Variants in MARCHF1 observed in about 807,000 individuals in gnomAD.
MARCHF1 encodes E3 ubiquitin-protein ligase MARCHF1.
In MARCHF1, 40 loss-of-function variants were observed where a neutral mutation model predicts 54.2. The observed-to-expected ratio is 0.74, with a 90% CI of 0.57 to 0.96. The LOEUF is 0.96. Among genes scored for constraint, MARCHF1 ranks in the 40% least tolerant of loss-of-function variants. The pLI, the probability that MARCHF1 is intolerant of heterozygous loss-of-function variation, is 0.00. For missense variants in MARCHF1, 586 were observed against 656.5 expected, an observed-to-expected ratio of 0.89 and a Z score of 1.17; for synonymous variants, 236 against 236.3, an observed-to-expected ratio of 1.00 and a Z score of 0.01.
rs1443607277 is a variant in MARCHF1 at position 164,315,216 on chromosome 4, A to G, written c.-323+68654T>C. 2.5e-5 allele frequency among the ~76,000 whole-genome samples: 3 copies of G among 118,962 alleles called. No individual in the cohort carries two copies. The Admixed American group carries it at 3.2e-4, about 13-fold the overall frequency. The allele number at this position is 118,962 out of a possible 152,430, so 78.0% of individuals were successfully genotyped here. ...AAGGCCAACTTTAGCTTTCTTCTGT[A>G]TTGGGTTAATTTAACAAAAAAAAAA... On this transcript the variant is annotated intron_variant, in intron 1 of 9. Transcript: ENST00000514618.
At chr4:163,586,008 C>T (rs1740399194) in intron 7 of MARCHF1, 79 bp from the exon 8 acceptor site, 1 of 1,309,438 alleles carries the variant, frequency 7.6e-7, no homozygotes, top group African/African-American at 1.5e-5. Flanking sequence ...CTTGCTTATA[C>T]TAGGGCTATT....
chr4:164,145,621 A>G (rs1385460610), intron 1 of MARCHF1, among the ~76,000 whole-genome samples: 1 of 152,180 alleles, frequency 6.6e-6, no homozygotes, highest in Admixed American at 6.5e-5. Flanking sequence ...AAAATTCAAC[A>G]ACCTTCATGC....
chr4:163,615,870 A>G (rs1303432979), intron 5 of MARCHF1, among the ~76,000 whole-genome samples: 1 of 152,150 alleles, frequency 6.6e-6, no homozygotes, highest in Non-Finnish European at 1.5e-5. Context: ...CATTGTTATA[A>G]AAACAGACAC....
At chr4:163,580,734 T>A (rs761619324) in intron 8 of MARCHF1, among the ~76,000 whole-genome samples, 23 of 152,172 alleles carry the variant, frequency 1.5e-4, no homozygotes, top group East Asian at 9.7e-4. Context: ...TTCAGAAAAA[T>A]TTTTGTTTTA....
intron 3 of MARCHF1, among the ~76,000 whole-genome samples, chr4:163,874,357 C>T (rs114082463): frequency 0.014 from 2,092 of 151,996 alleles, 19 homozygotes; most frequent in Non-Finnish European, 0.022. Flanking sequence ...TTGGTAGTTC[C>T]AGCATGTAGC....
intron 5 of MARCHF1, among the ~76,000 whole-genome samples, chr4:163,624,914 A>T (rs961844018): frequency 1.3e-5 from 2 of 152,206 alleles, no homozygotes; most frequent in Non-Finnish European, 2.9e-5. Flanking sequence ...TTTGAGATTT[A>T]TCCTCTGAAG....
At chr4:163,530,734 A>G (rs1337273096) in intron 9 of MARCHF1, 2 of 151,980 alleles carry the variant, frequency 1.3e-5, no homozygotes, top group Non-Finnish European at 2.9e-5. Flanking sequence ...AATATATGCA[A>G]TCAAATTTAT....
intron 1 of MARCHF1, among the ~76,000 whole-genome samples, chr4:164,269,931 T>C (rs1283706564): frequency 6.6e-6 from 1 of 152,184 alleles, no homozygotes; most frequent in Non-Finnish European, 1.5e-5. Context: ...TCCCTCTGCT[T>C]CTGCCATGAG....
At chr4:163,727,584 C>T (rs530216288) in intron 4 of MARCHF1, among the ~76,000 whole-genome samples, 6 of 151,638 alleles carry the variant, frequency 4.0e-5, no homozygotes, top group Non-Finnish European at 7.4e-5. Context: ...GGATTACAGG[C>T]GTGAGCCAAC....
chr4:163,917,452 T>C (rs1751334253), intron 3 of MARCHF1, among the ~76,000 whole-genome samples: 1 of 152,166 alleles, frequency 6.6e-6, no homozygotes, highest in Admixed American at 6.6e-5. Context: ...GATTTTGGCC[T>C]TTCTAATAGA....
At chr4:164,120,184 C>T (rs955867508) in intron 1 of MARCHF1, among the ~76,000 whole-genome samples, 1 of 151,870 alleles carries the variant, frequency 6.6e-6, no homozygotes, top group Non-Finnish European at 1.5e-5. Flanking sequence ...GAGCAGGAGT[C>T]GCTACACTTA....
At chr4:164,046,908 A>G (rs1754255038) in intron 2 of MARCHF1, among the ~76,000 whole-genome samples, 1 of 152,198 alleles carries the variant, frequency 6.6e-6, no homozygotes. Context: ...TGGGAAATGC[A>G]TATTAAAGAT....
chr4:163,933,840 C>G (rs1039403544), intron 3 of MARCHF1, among the ~76,000 whole-genome samples: 1 of 152,194 alleles, frequency 6.6e-6, no homozygotes, highest in African/African-American at 2.4e-5. Context: ...TCTGTGGCAA[C>G]AGGGACTTTC....
At chr4:163,851,755 C>T (rs981326787) in intron 4 of MARCHF1, among the ~76,000 whole-genome samples, 2 of 152,174 alleles carry the variant, frequency 1.3e-5, no homozygotes, top group African/African-American at 4.8e-5. Flanking sequence ...AATGGAAGGA[C>T]GTCCTTGCAT....
intron 4 of MARCHF1, among the ~76,000 whole-genome samples, chr4:163,834,850 A>G (rs1011849674): frequency 2.6e-5 from 4 of 151,972 alleles, no homozygotes; most frequent in Non-Finnish European, 5.9e-5. Context: ...CTATGTTATT[A>G]TTAGAGATGC....
intron 3 of MARCHF1, among the ~76,000 whole-genome samples, chr4:163,964,770 T>C (rs923459917): frequency 2.6e-5 from 4 of 152,084 alleles, no homozygotes; most frequent in Admixed American, 2.6e-4. Flanking sequence ...TCTACTAGGA[T>C]GTCCTCCAAG....
intron 1 of MARCHF1, among the ~76,000 whole-genome samples, chr4:164,351,410 G>C: frequency 6.6e-6 from 1 of 150,816 alleles, no homozygotes; most frequent in Non-Finnish European, 1.5e-5. Context: ...GGCAGCTGGA[G>C]ATCTGAGAAT....
At chr4:164,087,330 ATTC>A (rs1755211040) in intron 2 of MARCHF1, among the ~76,000 whole-genome samples, 1 of 152,252 alleles carries the variant, frequency 6.6e-6, no homozygotes, top group South Asian at 2.1e-4. Flanking sequence ...TGTGTACAGT[ATTC>A]TTCATAAATA....
chr4:163,828,241 G>A (rs1195000411), intron 4 of MARCHF1, among the ~76,000 whole-genome samples: 2 of 152,042 alleles, frequency 1.3e-5, no homozygotes, highest in Non-Finnish European at 2.9e-5. Flanking sequence ...TACTTCTAAC[G>A]GCAAAGTACT....
Sources: allele counts gnomAD v4.1 joint callset (sites outside exome capture counted in the v4.1 genomes callset), GRCh38; gene constraint gnomAD v4.1.1; transcripts MANE v1.5; gene names NCBI Gene and HGNC (gene_info 2026-07-23, HGNC 2026-07-21).